Variants in VPS72 observed in about 807,000 individuals in gnomAD.
VPS72 encodes vacuolar protein sorting 72 homolog.
VPS72 carries 27 observed loss-of-function variants against 38.9 expected under a neutral mutation model. That is an observed-to-expected ratio of 0.69 (90% CI 0.51 to 0.96). VPS72 has a LOEUF of 0.96. Among genes scored for constraint, VPS72 ranks in the 40% least tolerant of loss-of-function variants. VPS72 has a pLI of 0.00. For synonymous variants in VPS72, 173 were observed against 186.3 expected (o/e 0.93, Z 0.58); for missense variants, 360 against 479.5 (o/e 0.75, Z 2.33).
At chr1:151,189,076 G>A (rs587602161) in intron 1 of VPS72, among the ~76,000 whole-genome samples, 2 of 152,202 alleles carry the variant, frequency 1.3e-5, no homozygotes, top group South Asian at 2.1e-4. Flanking sequence ...TGATCCACCC[G>A]CCTCGGCCTT....
At chr1:151,185,739 CTGATGA>C in intron 2 of VPS72, 53 bp downstream of exon 2, 1 of 1,611,238 alleles carries the variant, frequency 6.2e-7, no homozygotes, top group Non-Finnish European at 8.5e-7. Flanking sequence ...GTACTGGGAC[CTGATGA>C]AAGAGAGAAT....
chr1:151,183,657 T>C (rs974476996), intron 4 of VPS72, among the ~76,000 whole-genome samples: 32 of 152,050 alleles, frequency 2.1e-4, no homozygotes, highest in African/African-American at 7.2e-4. Context: ...AGACAGGGTT[T>C]CACCATGTTG....
chr1:151,184,662 T>G (rs1331954395), intron 3 of VPS72, among the ~76,000 whole-genome samples, 169 bp from the exon 4 acceptor site: 1 of 151,396 alleles, frequency 6.6e-6, no homozygotes, highest in Non-Finnish European at 1.5e-5. Context: ...CTCGGCTCAC[T>G]CCAACCTCTG....
At chr1:151,187,266 CAT>C (rs1183060888) in intron 1 of VPS72, among the ~76,000 whole-genome samples, 2 of 152,138 alleles carry the variant, frequency 1.3e-5, no homozygotes, top group Non-Finnish European at 2.9e-5. Context: ...TGACACCTCA[CAT>C]ATGTGGTTCT....
chr1:151,183,672 G>C lies in VPS72; in HGVS notation c.562+645C>G, dbSNP rs587699203. On this transcript the variant is annotated intron_variant, in intron 4 of 5. Coordinates refer to ENST00000368892, the MANE Select transcript of VPS72 (RefSeq NM_005997.3). ...AGACAGGGTTTCACCATGTTGGCCA[G>C]GCTGGTCTGGAACTCCCAACTGCAA... Among the ~76,000 whole-genome samples the C allele has an allele frequency of 1.9e-3, 295 of 152,082 alleles. 1 individual carries two copies. Among genetic ancestry groups the C allele is most frequent in the African/African-American group, 6.5e-3 (268 of 41,500 alleles).
chr1:151,183,971 G>A (rs1055109857), intron 4 of VPS72, among the ~76,000 whole-genome samples: 2 of 151,412 alleles, frequency 1.3e-5, no homozygotes, highest in African/African-American at 4.9e-5. Context: ...TGATCCTCCT[G>A]CCTAAATTTC....
intron 5 of VPS72, 125 bp from the exon 6 acceptor site, chr1:151,177,156 G>A (rs1452123423): frequency 7.8e-6 from 8 of 1,030,894 alleles, no homozygotes; most frequent in Non-Finnish European, 1.1e-5. Flanking sequence ...GGAGGCTGAG[G>A]CAGGCAGATG....
chr1:151,189,669 A>ATG (rs1230096431), intron 1 of VPS72, among the ~76,000 whole-genome samples: 6 of 152,242 alleles, frequency 3.9e-5, no homozygotes, highest in African/African-American at 1.2e-4. Context: ...GTCTACTACT[A>ATG]TGTGTGTGCC....
intron 1 of VPS72, 24 bp downstream of exon 1, chr1:151,189,981 C>G: frequency 6.2e-7 from 1 of 1,613,218 alleles, no homozygotes; most frequent in Non-Finnish European, 8.5e-7. Flanking sequence ...TCCTCCCCTC[C>G]CTTTTCCCAG....
At chr1:151,181,749 C>G (rs1684243971) in intron 4 of VPS72, among the ~76,000 whole-genome samples, 1 of 152,166 alleles carries the variant, frequency 6.6e-6, no homozygotes, top group African/African-American at 2.4e-5. Context: ...ACATCAATAA[C>G]TATTTAAATG....
chr1:151,188,318 G>A (rs1410896653), intron 1 of VPS72, among the ~76,000 whole-genome samples: 1 of 152,196 alleles, frequency 6.6e-6, no homozygotes, highest in African/African-American at 2.4e-5. Context: ...TTACAGGCGT[G>A]AGCCACCACA....
At chr1:151,182,672 G>A (rs1276709332) in intron 4 of VPS72, among the ~76,000 whole-genome samples, 2 of 152,040 alleles carry the variant, frequency 1.3e-5, no homozygotes, top group East Asian at 3.8e-4. Flanking sequence ...CAAAACCAAT[G>A]GGCACTTCTC....
In VPS72 at chr1:151,178,158, AG is replaced by A. The variant is rs1256803332; in HGVS notation, c.563-14del. 6.2e-7 allele frequency: 1 copy of A among 1,612,782 alleles called. No individual in the cohort carries two copies. The highest frequency in any genetic ancestry group is 1.1e-5 in the South Asian group (1 of 90,982). Reference sequence around the variant, plus strand: ...CGCTCATATGTCTCTTTAGGGTCAAAGGAAGAAATGAGGGGATGATCAGAAT... The same window carrying A: ...CGCTCATATGTCTCTTTAGGGTCAAAGAAGAAATGAGGGGATGATCAGAAT... On this transcript the variant is annotated splice_polypyrimidine_tract_variant and intron_variant, in intron 4 of 5. Coordinates refer to ENST00000368892, the MANE Select transcript of VPS72 (RefSeq NM_005997.3).
chr1:151,183,525 G>A (rs1684284403), intron 4 of VPS72, among the ~76,000 whole-genome samples: 1 of 148,874 alleles, frequency 6.7e-6, no homozygotes, highest in Non-Finnish European at 1.5e-5. Flanking sequence ...GCAGTGGTGT[G>A]ATCTCGGCTC....
chr1:151,187,161 G>C (rs951878133), intron 1 of VPS72, among the ~76,000 whole-genome samples: 2 of 152,104 alleles, frequency 1.3e-5, no homozygotes, highest in African/African-American at 4.8e-5. Flanking sequence ...GTACAGCCTA[G>C]ACCTCAGGTG....
At position 151,190,155 on chromosome 1, in the gene VPS72, C is replaced by G. The variant is rs1039010256; in HGVS notation, c.-34G>C. The G allele has an allele frequency of 1.2e-6, 2 of 1,608,190 alleles. No individual in the cohort carries two copies. ...CCGAGACTGCGCCGCCACCTGCAGCCCCTCACCAGCTCGGTTTTGGGAGCT... is the reference window on the plus strand; with the variant it reads ...CCGAGACTGCGCCGCCACCTGCAGCGCCTCACCAGCTCGGTTTTGGGAGCT... On this transcript the variant is annotated 5_prime_UTR_variant, in exon 1 of 6. Transcript: ENST00000368892.
chr1:151,176,663 T>C lies in VPS72; in HGVS notation c.1076A>G (p.Gln359Arg). The part of the protein sequence containing the change: ...LPGSGPRALR[Q>R]KIVIK ...ATCTCTTCATTTAATGACAATTTTC[T>C]GGCGCAAGGCTCGGGGCCCAGAGCC... Residue 359 changes from glutamine (Q) to arginine (R), a missense_variant, in exon 6 of 6, where the codon CAG (glutamine) becomes CGG (arginine). Transcript: ENST00000368892. 1 of 1,613,654 alleles carries C rather than the reference T, an allele frequency of 6.2e-7. No individual in the cohort carries two copies. Among genetic ancestry groups the C allele is most frequent in the Non-Finnish European group, 8.5e-7 (1 of 1,179,838 alleles).
In VPS72 at chr1:151,189,331, C is replaced by T. The variant is rs139506214; in HGVS notation, c.117+674G>A. ...GTAGATTCAACTAATAAAAATTTAG[C>T]AAGTGGCAGCCCAGTCCGGACACCT... On this transcript the variant is annotated intron_variant, in intron 1 of 5. Coordinates refer to ENST00000368892, the MANE Select transcript of VPS72 (RefSeq NM_005997.3). 7.2e-5 allele frequency among the ~76,000 whole-genome samples: 11 copies of T among 152,270 alleles called. No homozygotes were observed. The East Asian group carries it at 2.1e-3, about 29-fold the overall frequency.
Position 151,189,905 on chromosome 1 carries a change from C to G in VPS72, c.117+100G>C, listed in dbSNP as rs993022856. ...CCAACTCGAGTATCAGCTCCCAGAG[C>G]TCCTCTCTATTCCCCGCCCTCTTCT... On this transcript the variant is annotated intron_variant, in intron 1 of 5. Coordinates refer to ENST00000368892, the MANE Select transcript of VPS72 (RefSeq NM_005997.3). 12 of 1,363,976 alleles carry G rather than the reference C, an allele frequency of 8.8e-6. No individual in the cohort carries two copies. The East Asian group carries it at 2.1e-4, about 24-fold the overall frequency. The allele number at this position is 1,363,976 out of a possible 1,614,324, so 84.5% of individuals were successfully genotyped here.
Sources: allele counts gnomAD v4.1 joint callset (sites outside exome capture counted in the v4.1 genomes callset), GRCh38; gene constraint gnomAD v4.1.1; transcripts MANE v1.5; gene names NCBI Gene and HGNC (gene_info 2026-07-23, HGNC 2026-07-21).